Variants in DPP10 observed in about 807,000 individuals in gnomAD.
The protein encoded by DPP10 is dipeptidyl peptidase like 10, also known as inactive dipeptidyl peptidase 10.
A neutral mutation model predicts 120.9 loss-of-function variants in DPP10; 33 were observed. The observed-to-expected ratio is 0.27, with a 90% CI of 0.21 to 0.37. The LOEUF is 0.37. Among genes scored for constraint, DPP10 ranks in the 10% least tolerant of loss-of-function variants. The pLI is 1.00. For missense variants in DPP10, 816 were observed against 942.8 expected, an observed-to-expected ratio of 0.87 and a Z score of 1.76; for synonymous variants, 337 against 326.1, an observed-to-expected ratio of 1.03 and a Z score of -0.36.
intron 1 of DPP10, among the ~76,000 whole-genome samples, chr2:115,128,754 G>A (rs980016123): frequency 6.6e-6 from 1 of 152,168 alleles, no homozygotes; most frequent in Non-Finnish European, 1.5e-5. Context: ...ATGTCCTGCA[G>A]AAGATAATTT....
At chr2:115,458,859 A>T (rs892350176) in intron 3 of DPP10, among the ~76,000 whole-genome samples, 17 of 152,188 alleles carry the variant, frequency 1.1e-4, no homozygotes, top group Admixed American at 1.1e-3. Flanking sequence ...AATGTTAAAC[A>T]TGTAAAATAT....
At chr2:115,290,194 G>C (rs538354465) in intron 1 of DPP10, among the ~76,000 whole-genome samples, 23 of 152,190 alleles carry the variant, frequency 1.5e-4, no homozygotes, top group African/African-American at 5.3e-4. Flanking sequence ...CAAGTGATAT[G>C]TAAATTGTAT....
At chr2:115,756,962 T>G (rs1679488524) in intron 11 of DPP10, among the ~76,000 whole-genome samples, 1 of 152,104 alleles carries the variant, frequency 6.6e-6, no homozygotes, top group Non-Finnish European at 1.5e-5. Context: ...ACTCCCATAA[T>G]AAAGACATTA....
chr2:115,797,913 T>G (rs918496245), intron 19 of DPP10, among the ~76,000 whole-genome samples: 1 of 151,418 alleles, frequency 6.6e-6, no homozygotes, highest in Non-Finnish European at 1.5e-5. Flanking sequence ...TGGTGTTTAT[T>G]TTAACTGGAA....
At chr2:115,392,637 A>T (rs1025515002) in intron 3 of DPP10, among the ~76,000 whole-genome samples, 1 of 152,144 alleles carries the variant, frequency 6.6e-6, no homozygotes, top group African/African-American at 2.4e-5. Context: ...TTCAGGACAG[A>T]TGATTAGATG....
intron 1 of DPP10, among the ~76,000 whole-genome samples, chr2:114,865,280 G>T (rs1201675924): frequency 6.6e-6 from 1 of 152,150 alleles, no homozygotes; most frequent in East Asian, 1.9e-4. Flanking sequence ...ATACTAATTG[G>T]TCTGAAAATG....
intron 1 of DPP10, among the ~76,000 whole-genome samples, chr2:114,981,239 A>C: frequency 6.6e-6 from 1 of 152,198 alleles, no homozygotes; most frequent in Non-Finnish European, 1.5e-5. Context: ...ACCACATTCT[A>C]CGACATTTTT....
chr2:115,017,666 T>C (rs1044433691), intron 1 of DPP10, among the ~76,000 whole-genome samples: 3 of 20,348 alleles, frequency 1.5e-4, no homozygotes, highest in East Asian at 5.5e-3. Flanking sequence ...TGGAATACTA[T>C]GCAGCCATAA....
chr2:114,829,914 C>T (rs1448255452), intron 1 of DPP10, among the ~76,000 whole-genome samples: 1 of 152,116 alleles, frequency 6.6e-6, no homozygotes, highest in African/African-American at 2.4e-5. Flanking sequence ...TCCACTTCCA[C>T]GTCCATGCGA....
At chr2:115,801,176 T>C (rs1370749386) in intron 19 of DPP10, among the ~76,000 whole-genome samples, 2 of 149,428 alleles carry the variant, frequency 1.3e-5, no homozygotes, top group African/African-American at 5.1e-5. Flanking sequence ...GATTCCTAGG[T>C]ATTTTATTCT....
At chr2:115,432,402 A>C (rs1171427456) in intron 3 of DPP10, among the ~76,000 whole-genome samples, 1 of 151,966 alleles carries the variant, frequency 6.6e-6, no homozygotes, top group African/African-American at 2.4e-5. Context: ...TTTTGCTCTC[A>C]TTGGTTCTGC....
chr2:115,231,762 C>G (rs2057746559), intron 1 of DPP10, among the ~76,000 whole-genome samples: 1 of 152,206 alleles, frequency 6.6e-6, no homozygotes, highest in South Asian at 2.1e-4. Flanking sequence ...GTGGTTCACT[C>G]TTTTCTGTGA....
intron 1 of DPP10, among the ~76,000 whole-genome samples, chr2:114,848,089 G>A (rs6758765): frequency 0.047 from 7,174 of 152,216 alleles, 569 homozygotes; most frequent in African/African-American, 0.16. Flanking sequence ...CAGGGCAGGT[G>A]GGAGACTGAA....
At chr2:114,737,630 C>T (rs1466666610) in intron 1 of DPP10, among the ~76,000 whole-genome samples, 1 of 152,192 alleles carries the variant, frequency 6.6e-6, no homozygotes, top group Non-Finnish European at 1.5e-5. Flanking sequence ...AAAAGGCTGT[C>T]ATCCAACAGA....
chr2:115,765,727 A>G (rs1680628653), intron 12 of DPP10, among the ~76,000 whole-genome samples: 1 of 152,182 alleles, frequency 6.6e-6, no homozygotes, highest in South Asian at 2.1e-4. Flanking sequence ...GAAATATCCC[A>G]CAGGAGCAGG....
At chr2:115,381,835 G>C (rs994114132) in intron 3 of DPP10, among the ~76,000 whole-genome samples, 2 of 151,704 alleles carry the variant, frequency 1.3e-5, no homozygotes, top group Non-Finnish European at 2.9e-5. Flanking sequence ...GTCTGCCCCT[G>C]CTGGGGGGTG....
chr2:115,840,766 A>G lies in DPP10; in HGVS notation c.2199A>G (p.Gln733=), dbSNP rs1231577347. 2 of 1,613,788 alleles carry G rather than the reference A, an allele frequency of 1.2e-6. No individual in the cohort carries two copies. The highest frequency in any genetic ancestry group is 3.3e-5 in the Admixed American group (2 of 59,978). ...HGTADTKVHF[Q]HSAELIKHLI... ...TTCTTGCAGCAAAAGTTCATTTCCAACACTCAGCAGAATTAATCAAGCACC... is the reference window on the plus strand; with the variant it reads ...TTCTTGCAGCAAAAGTTCATTTCCAGCACTCAGCAGAATTAATCAAGCACC... Residue 733 remains glutamine, a synonymous_variant, in exon 25 of 26, where the codon CAA becomes CAG. Coordinates refer to ENST00000410059, the MANE Select transcript of DPP10 (RefSeq NM_020868.6).
At chr2:114,833,396 C>A (rs892691110) in intron 1 of DPP10, 1 of 151,626 alleles carries the variant, frequency 6.6e-6, no homozygotes, top group Admixed American at 6.6e-5. Flanking sequence ...ATATATTTTT[C>A]TTAGGAAATA....
chr2:114,722,775 C>CAAAAAAA (rs61497158), intron 1 of DPP10, among the ~76,000 whole-genome samples: 8 of 55,864 alleles, frequency 1.4e-4, no homozygotes, highest in African/African-American at 1.4e-4. Context: ...GGCTCTGTCT[C>CAAAAAAA]AAAAAAAAAA....
Sources: gnomAD v4.1 joint callset for allele counts (sites outside exome capture counted in the v4.1 genomes callset) on GRCh38, gnomAD v4.1.1 for gene constraint, MANE v1.5 for transcripts, NCBI Gene and HGNC (gene_info 2026-07-23, HGNC 2026-07-21) for gene names.